The following SUGCT variants were observed in gnomAD, a reference collection of about 807,000 sequenced individuals.
SUGCT encodes the protein succinyl-CoA:glutarate-CoA transferase.
In SUGCT, 41 loss-of-function variants were observed where a neutral mutation model predicts 55.0. That is an observed-to-expected ratio of 0.74 (90% CI 0.58 to 0.97). The LOEUF is 0.97. Ranked by LOEUF, SUGCT falls within the 50% of genes least tolerant of loss-of-function variation. The probability of loss-of-function intolerance (pLI) is 0.00; values close to 1 mark genes in which losing one functional copy is unlikely to be tolerated. For synonymous variants in SUGCT, 187 were observed against 200.4 expected (o/e 0.93, Z 0.56); for missense variants, 568 against 547.8 (o/e 1.04, Z -0.37).
At chr7:40,563,737 A>T (rs1005251043) in intron 12 of SUGCT, among the ~76,000 whole-genome samples, 1 of 151,336 alleles carries the variant, frequency 6.6e-6, no homozygotes, top group South Asian at 2.1e-4. Context: ...TAATAATAAT[A>T]GTATTAATAA....
At chr7:40,423,249 T>G (rs1246733827) in intron 9 of SUGCT, among the ~76,000 whole-genome samples, 2 of 152,160 alleles carry the variant, frequency 1.3e-5, no homozygotes, top group African/African-American at 4.8e-5. Context: ...GAACCCACCC[T>G]TTTAGGAATA....
intron 11 of SUGCT, among the ~76,000 whole-genome samples, chr7:40,477,048 T>C (rs1790733209): frequency 6.6e-6 from 1 of 152,184 alleles, no homozygotes. Context: ...TCATCTTAGC[T>C]TTAATGTGTT....
chr7:40,969,596 A>C, the SUGCT span, among the ~76,000 whole-genome samples: 3 of 152,140 alleles, frequency 2.0e-5, no homozygotes, highest in African/African-American at 7.2e-5. Flanking sequence ...GCCTCAAGCC[A>C]TTCTTCCACC....
Position 40,729,853 on chromosome 7 carries a change from A to T in SUGCT, c.1090-19581A>T, listed in dbSNP as rs558288257. The stretch of plus-strand genomic sequence containing the variant: ...TCTCAGCTCATGTAGGTTGTATCCA[A>T]GGGTCTGGTTGCATCCATACCCTTT... On this transcript the variant is annotated intron_variant, in intron 12 of 13. Coordinates refer to ENST00000335693, the MANE Select transcript of SUGCT (RefSeq NM_001193313.2). Among the ~76,000 whole-genome samples, 10 of 152,330 alleles carry T rather than the reference A, an allele frequency of 6.6e-5. No homozygotes were observed. In the South Asian group the frequency reaches 2.1e-3, roughly 32 times the overall value.
intron 9 of SUGCT, among the ~76,000 whole-genome samples, chr7:40,328,610 A>T (rs1584692863): frequency 1.3e-5 from 2 of 152,264 alleles, no homozygotes; most frequent in East Asian, 3.9e-4. Context: ...ACCTTCTGGT[A>T]GTTTTTTGAA....
At chr7:40,673,543 T>A (rs868253936) in intron 12 of SUGCT, among the ~76,000 whole-genome samples, 1 of 152,236 alleles carries the variant, frequency 6.6e-6, no homozygotes, top group East Asian at 1.9e-4. Context: ...TTTCCTTTTT[T>A]ATTTATTTAT....
chr7:40,569,179 A>G (rs1396232419), intron 12 of SUGCT, among the ~76,000 whole-genome samples: 1 of 152,114 alleles, frequency 6.6e-6, no homozygotes, highest in East Asian at 1.9e-4. Flanking sequence ...GGGGGATGAG[A>G]TATAGGGGTC....
intron 6 of SUGCT, among the ~76,000 whole-genome samples, chr7:40,218,787 C>T (rs529740883): frequency 1.7e-4 from 26 of 152,174 alleles, no homozygotes; most frequent in African/African-American, 4.3e-4. Context: ...GGTTTGTAAA[C>T]GCACCAATCA....
Position 40,458,857 on chromosome 7 carries a change from G to C in SUGCT, c.889-244G>C, listed in dbSNP as rs183553987. On this transcript the variant is annotated intron_variant, in intron 10 of 13. Transcript: ENST00000335693. The stretch of plus-strand genomic sequence containing the variant: ...ATAAGACTTATGGGCATCTTTTGCT[G>C]GTCTCCTATATGTAAGAATATTTGC... Among the ~76,000 whole-genome samples the C allele has an allele frequency of 8.5e-5, 13 of 152,140 alleles. No homozygotes were observed. The East Asian group carries it at 2.5e-3, about 29-fold the overall frequency.
chr7:40,837,493 T>C (rs1023055279), intron 13 of SUGCT, among the ~76,000 whole-genome samples: 1 of 152,202 alleles, frequency 6.6e-6, no homozygotes. Flanking sequence ...GTCTAAGAAT[T>C]CTTCACCTAG....
At chr7:40,254,313 TTC>T (rs1471634533) in intron 7 of SUGCT, among the ~76,000 whole-genome samples, 1 of 152,178 alleles carries the variant, frequency 6.6e-6, no homozygotes, top group Non-Finnish European at 1.5e-5. Flanking sequence ...TTTGAGATGT[TTC>T]TTTTTTCATA....
intron 6 of SUGCT, among the ~76,000 whole-genome samples, chr7:40,196,981 T>C (rs1463173907): frequency 6.6e-6 from 1 of 152,064 alleles, no homozygotes; most frequent in African/African-American, 2.4e-5. Flanking sequence ...ATTACGGGCA[T>C]GTACCACCTT....
intron 9 of SUGCT, among the ~76,000 whole-genome samples, chr7:40,425,037 A>G (rs1364282357): frequency 6.6e-6 from 1 of 152,114 alleles, no homozygotes; most frequent in African/African-American, 2.4e-5. Context: ...ATAAAGAAAA[A>G]AGTCAGTGTT....
At chr7:40,203,885 T>C (rs1786771836) in intron 6 of SUGCT, among the ~76,000 whole-genome samples, 1 of 152,170 alleles carries the variant, frequency 6.6e-6, no homozygotes, top group African/African-American at 2.4e-5. Flanking sequence ...GGTTAACTTT[T>C]TCTGTATATA....
chr7:40,339,743 A>G (rs1332256837), intron 9 of SUGCT, among the ~76,000 whole-genome samples: 1 of 152,148 alleles, frequency 6.6e-6, no homozygotes, highest in Non-Finnish European at 1.5e-5. Context: ...GGTGGGCTGC[A>G]CCCACTGTCC....
At chr7:40,275,764 G>A (rs1026968204) in intron 8 of SUGCT, among the ~76,000 whole-genome samples, 10 of 151,950 alleles carry the variant, frequency 6.6e-5, no homozygotes, top group Admixed American at 2.6e-4. Context: ...CCTGGTTTCC[G>A]TAGTTATCAG....
chr7:40,419,694 G>C (rs1787202444), intron 9 of SUGCT, among the ~76,000 whole-genome samples: 2 of 152,302 alleles, frequency 1.3e-5, no homozygotes, highest in African/African-American at 4.8e-5. Context: ...TGTTTGGAGG[G>C]AAGAGGGGAT....
chr7:40,156,151 C>G (rs1458584588), intron 1 of SUGCT, among the ~76,000 whole-genome samples: 2 of 152,146 alleles, frequency 1.3e-5, no homozygotes, highest in African/African-American at 4.8e-5. Context: ...GCCACTGTGC[C>G]TGGTCTAGGA....
At chr7:40,954,033 A>G in the SUGCT span, among the ~76,000 whole-genome samples, 1 of 152,216 alleles carries the variant, frequency 6.6e-6, no homozygotes, top group Admixed American at 6.5e-5. Context: ...TTGTTCAGCT[A>G]TGCCCTGTGC....
Sources: allele counts gnomAD v4.1 joint callset (sites outside exome capture counted in the v4.1 genomes callset), GRCh38; gene constraint gnomAD v4.1.1; transcripts MANE v1.5; gene names NCBI Gene and HGNC (gene_info 2026-07-23, HGNC 2026-07-21).